The following SFMBT2 variants were observed in gnomAD, a reference collection of about 807,000 sequenced individuals.
The protein encoded by SFMBT2 is Scm like with four mbt domains 2.
A neutral mutation model predicts 110.1 loss-of-function variants in SFMBT2; 38 were observed. The observed-to-expected ratio is 0.35, with a 90% confidence interval of 0.27 to 0.45. The LOEUF (loss-of-function observed/expected upper bound fraction) is 0.45. Among genes scored for constraint, SFMBT2 ranks in the 20% least tolerant of loss-of-function variants. The pLI is 1.00. For missense variants in SFMBT2, 1,011 were observed against 1,094.9 expected (o/e 0.92, Z 1.08); for synonymous variants, 425 against 425.4 (o/e 1.00, Z 0.01).
intron 14 of SFMBT2, among the ~76,000 whole-genome samples, chr10:7,199,106 G>C (rs1443753696): frequency 2.0e-5 from 3 of 152,072 alleles, no homozygotes; most frequent in Non-Finnish European, 2.9e-5. Context: ...AGCCTCCTAA[G>C]TAGGTGGGAT....
In SFMBT2 at chr10:7,189,177, C is replaced by A. The variant is rs547896518; in HGVS notation, c.1699-444G>T. 1.9e-5 allele frequency: 19 copies of A among 985,388 alleles called. No homozygotes were observed. The African/African-American group carries it at 2.8e-4, about 14-fold the overall frequency. The allele number at this position is 985,388 out of a possible 1,614,324, so 61.0% of individuals were successfully genotyped here. On this transcript the variant is annotated intron_variant, in intron 15 of 20. Coordinates refer to ENST00000397167, the MANE Select transcript of SFMBT2 (RefSeq NM_001387889.1). Reference sequence around the variant, plus strand: ...ACTCATGCCAACACTTCTGGAGAGGCTTCACATGCTTGCAAGGAGGGTAAC... The same window carrying A: ...ACTCATGCCAACACTTCTGGAGAGGATTCACATGCTTGCAAGGAGGGTAAC...
chr10:7,185,741 G>C lies in SFMBT2; in HGVS notation c.1808+2883C>G, dbSNP rs116388100. 3.6e-3 allele frequency among the ~76,000 whole-genome samples: 549 copies of C among 152,272 alleles called. 5 individuals carry two copies. The highest frequency in any genetic ancestry group is 0.013 in the African/African-American group (532 of 41,568). On this transcript the variant is annotated intron_variant, in intron 16 of 20. Coordinates refer to ENST00000397167, the MANE Select transcript of SFMBT2 (RefSeq NM_001387889.1). ...CAAAAGCCATTCAAAGAAGAGTTAAGACAGTCTTTTTATTTTCCCTCAAGA... is the reference window on the plus strand; with the variant it reads ...CAAAAGCCATTCAAAGAAGAGTTAACACAGTCTTTTTATTTTCCCTCAAGA...
intron 4 of SFMBT2, among the ~76,000 whole-genome samples, chr10:7,354,210 T>C: frequency 6.6e-6 from 1 of 152,160 alleles, no homozygotes. Flanking sequence ...GTTTATCCTA[T>C]CCAATTTCTC....
intron 2 of SFMBT2, among the ~76,000 whole-genome samples, chr10:7,376,137 CTG>C (rs1413843398): frequency 3.3e-5 from 5 of 152,114 alleles, no homozygotes; most frequent in Non-Finnish European, 7.3e-5. Flanking sequence ...CTACTGAACA[CTG>C]TGTCAGCATA....
chr10:7,351,080 T>C (rs1208437081), intron 4 of SFMBT2, among the ~76,000 whole-genome samples: 1 of 152,238 alleles, frequency 6.6e-6, no homozygotes, highest in Non-Finnish European at 1.5e-5. Flanking sequence ...GACTAACAGC[T>C]GTCTTCTCAT....
At chr10:7,315,097 A>AAAGG (rs1564435589) in intron 4 of SFMBT2, among the ~76,000 whole-genome samples, 6 of 147,448 alleles carry the variant, frequency 4.1e-5, no homozygotes, top group Admixed American at 1.3e-4. Context: ...AGAAAGAAAG[A>AAAGG]AAGAAAGAAA....
chr10:7,367,905 AT>A lies in SFMBT2; in HGVS notation c.196-17del, dbSNP rs1564461482. 3 of 1,613,328 alleles carry A rather than the reference AT, an allele frequency of 1.9e-6. No homozygotes were observed. The highest frequency in any genetic ancestry group is 2.5e-6 in the Non-Finnish European group (3 of 1,179,490). On this transcript the variant is annotated splice_polypyrimidine_tract_variant and intron_variant, in intron 3 of 20. Transcript: ENST00000397167. This position sits in a 1 kb window ranked among gnomAD's most constrained non-coding sequence, Gnocchi z 6.2. ...TGATTTCAACCTTAAGGAATCAGAA[AT>A]AGAGAAAACCCATTACTACACTAGA...
intron 4 of SFMBT2, among the ~76,000 whole-genome samples, chr10:7,334,837 A>G (rs1843669097): frequency 6.6e-6 from 1 of 152,222 alleles, no homozygotes; most frequent in Non-Finnish European, 1.5e-5. Flanking sequence ...CCTGCACTGC[A>G]TCAGAGACAA....
At chr10:7,173,380 G>A (rs1367020742) in intron 17 of SFMBT2, among the ~76,000 whole-genome samples, 3 of 152,224 alleles carry the variant, frequency 2.0e-5, no homozygotes, top group Non-Finnish European at 4.4e-5. Context: ...ATCTGCTGGC[G>A]TGGTCCTGGC....
At chr10:7,410,755 T>C (rs1846354386) in intron 1 of SFMBT2, among the ~76,000 whole-genome samples, 106 bp downstream of exon 1, 1 of 150,734 alleles carries the variant, frequency 6.6e-6, no homozygotes, top group Non-Finnish European at 1.5e-5. Context: ...TCCTTTTTTT[T>C]CCTAGGCTGG....
chr10:7,384,483 T>A (rs1381889344), intron 1 of SFMBT2, among the ~76,000 whole-genome samples: 1 of 18,822 alleles, frequency 5.3e-5, no homozygotes, highest in African/African-American at 6.1e-4. Context: ...AATAGTGAAA[T>A]CCTTTTTTAA....
At chr10:7,396,329 G>A (rs929672476) in intron 1 of SFMBT2, among the ~76,000 whole-genome samples, 5 of 152,192 alleles carry the variant, frequency 3.3e-5, no homozygotes, top group African/African-American at 1.2e-4. Flanking sequence ...GGGTCATCCA[G>A]GGAGGAAACC....
rs149339173 is a variant in SFMBT2, at chr10:7,310,862, C to G, written c.437-24908G>C. On this transcript the variant is annotated intron_variant, in intron 4 of 20. Coordinates refer to ENST00000397167, the MANE Select transcript of SFMBT2 (RefSeq NM_001387889.1). ...GGAGTTCGAGACCAGCCTGGCCAAC[C>G]TGGTGAAACCCCATCTCTACTAAAA... Among the ~76,000 whole-genome samples the G allele has an allele frequency of 5.3e-3, 808 of 152,062 alleles. 4 individuals carry two copies. Among genetic ancestry groups the G allele is most frequent in the South Asian group, 0.035 (169 of 4,806 alleles).
intron 7 of SFMBT2, chr10:7,264,338 T>C (rs1334862178): frequency 6.2e-6 from 1 of 160,414 alleles, no homozygotes; most frequent in Non-Finnish European, 1.3e-5. Context: ...TTATCCCTTA[T>C]CAGTGATGTG....
At chr10:7,298,144 C>T (rs1210630545) in intron 4 of SFMBT2, among the ~76,000 whole-genome samples, 1 of 152,216 alleles carries the variant, frequency 6.6e-6, no homozygotes, top group Non-Finnish European at 1.5e-5. Flanking sequence ...AATTGGAATT[C>T]CAAGCAACTG....
At chr10:7,368,227 A>C in intron 3 of SFMBT2, 1 of 570,544 alleles carries the variant, frequency 1.8e-6, no homozygotes, top group Non-Finnish European at 2.2e-6. Context: ...AGCCTCTAAA[A>C]CCTGGTGTGT....
At chr10:7,321,201 C>CTTTTT (rs542174351) in intron 4 of SFMBT2, among the ~76,000 whole-genome samples, 1 of 130,488 alleles carries the variant, frequency 7.7e-6, no homozygotes. Context: ...TATGAGCATC[C>CTTTTT]TTTTTTTTTT....
chr10:7,407,217 C>A (rs1186088962), intron 1 of SFMBT2, among the ~76,000 whole-genome samples: 3 of 151,368 alleles, frequency 2.0e-5, no homozygotes, highest in African/African-American at 4.9e-5. Context: ...TCCCCTCCCC[C>A]ACCCCACTTA....
At chr10:7,411,065 CTTTTTTTTT>C (rs766788794), upstream of SFMBT2, among the ~76,000 whole-genome samples, 8 of 53,914 alleles carry the variant, frequency 1.5e-4, no homozygotes, top group African/African-American at 3.6e-4. Context: ...GCTCGGCGCT[CTTTTTTTTT>C]TTTTTTTTTT....
Sources: allele counts gnomAD v4.1 joint callset (sites outside exome capture counted in the v4.1 genomes callset), GRCh38; gene constraint gnomAD v4.1.1; non-coding constraint Gnocchi (gnomAD v3.1); transcripts MANE v1.5; gene names NCBI Gene and HGNC (gene_info 2026-07-23, HGNC 2026-07-21).